The following CDIN1 variants were observed in gnomAD, a reference collection of about 807,000 sequenced individuals.
CDIN1 encodes the protein CDAN1-interacting nuclease 1.
Under a neutral mutation model 45.3 loss-of-function variants are expected in CDIN1, and 33 were observed. The ratio of observed to expected loss-of-function variants is 0.73; its 90% CI spans 0.55 to 0.97. The LOEUF (loss-of-function observed/expected upper bound fraction) is 0.97. Among genes scored for constraint, CDIN1 ranks in the 50% least tolerant of loss-of-function variants. The probability of loss-of-function intolerance (pLI) is 0.00; values close to 1 mark genes in which losing one functional copy is unlikely to be tolerated. For synonymous variants in CDIN1, 118 were observed against 124.4 expected, an observed-to-expected ratio of 0.95 and a Z score of 0.34; for missense variants, 303 against 339.4, an observed-to-expected ratio of 0.89 and a Z score of 0.84.
At chr15:36,596,189 AT>A (rs11342046) in intron 1 of CDIN1, among the ~76,000 whole-genome samples, 109,150 of 149,756 alleles carry the variant, frequency 0.73, 39,941 homozygotes, top group African/African-American at 0.78. Context: ...AAAAAAGCTC[AT>A]TTTTTTTTTT....
chr15:36,789,847 G>A (rs1005352259), intron 10 of CDIN1, among the ~76,000 whole-genome samples: 40 of 152,338 alleles, frequency 2.6e-4, no homozygotes, highest in African/African-American at 9.6e-4. Context: ...CATGGGGCTA[G>A]TGAGGCCTAC....
intron 10 of CDIN1, chr15:36,756,141 A>C (rs2053603814): frequency 2.2e-6 from 1 of 456,028 alleles, no homozygotes; most frequent in Middle Eastern, 3.3e-4. Flanking sequence ...TTTAAGGTAC[A>C]GTTTTAAAAA....
intron 5 of CDIN1, chr15:36,668,182 A>G (rs557876171): frequency 6.6e-6 from 1 of 152,204 alleles, no homozygotes; most frequent in East Asian, 1.9e-4. Context: ...GTCTTGGTTC[A>G]TTGCCTAGAT....
chr15:36,601,969 T>A (rs1039649860), intron 1 of CDIN1, among the ~76,000 whole-genome samples: 1 of 152,070 alleles, frequency 6.6e-6, no homozygotes, highest in African/African-American at 2.4e-5. Context: ...AGCTCTCAAT[T>A]TTTTTTTGTA....
At chr15:36,690,014 G>T (rs2042186226) in intron 5 of CDIN1, among the ~76,000 whole-genome samples, 1 of 152,208 alleles carries the variant, frequency 6.6e-6, no homozygotes. Context: ...TGCAGAGCCA[G>T]TTGTAGAGAT....
chr15:36,766,501 G>A (rs2053928480), intron 10 of CDIN1, among the ~76,000 whole-genome samples: 1 of 152,168 alleles, frequency 6.6e-6, no homozygotes, highest in African/African-American at 2.4e-5. Context: ...CATAGTGGAT[G>A]TACCATTTTA....
intron 1 of CDIN1, among the ~76,000 whole-genome samples, chr15:36,619,482 T>TCTAG: frequency 6.6e-6 from 1 of 150,660 alleles, no homozygotes; most frequent in Non-Finnish European, 1.5e-5. Flanking sequence ...TATCTATCTA[T>TCTAG]CTATCTATCT....
At chr15:36,617,668 C>G (rs942497743) in intron 1 of CDIN1, 2 of 767,274 alleles carry the variant, frequency 2.6e-6, no homozygotes, top group Middle Eastern at 2.6e-4. Flanking sequence ...AAAAGTGAGC[C>G]AAGTCATAAG....
intron 1 of CDIN1, among the ~76,000 whole-genome samples, chr15:36,643,054 G>A (rs920034538): frequency 2.0e-5 from 3 of 152,046 alleles, no homozygotes; most frequent in Non-Finnish European, 2.9e-5. Context: ...CTCTTTCAAA[G>A]GGGCTTTTCA....
intron 10 of CDIN1, among the ~76,000 whole-genome samples, chr15:36,789,639 G>A (rs1413529873): frequency 1.3e-5 from 2 of 152,136 alleles, no homozygotes; most frequent in Non-Finnish European, 2.9e-5. Flanking sequence ...CTAGAAGAGA[G>A]GCTTAAGACA....
intron 5 of CDIN1, among the ~76,000 whole-genome samples, chr15:36,673,653 T>G (rs1393792032): frequency 1.3e-5 from 2 of 152,044 alleles, no homozygotes; most frequent in African/African-American, 2.4e-5. Context: ...ATCGTATAAA[T>G]TGTCAAAACT....
At chr15:36,800,909 G>GTGTGTGTATATATATA (rs1156514805) in intron 10 of CDIN1, among the ~76,000 whole-genome samples, 11 of 22,384 alleles carry the variant, frequency 4.9e-4, no homozygotes, top group South Asian at 4.3e-3. Context: ...GTGTGTGTGT[G>GTGTGTGTATATATATA]TATATATATA....
chr15:36,739,508 C>T (rs960683704), intron 10 of CDIN1, among the ~76,000 whole-genome samples: 4 of 152,182 alleles, frequency 2.6e-5, no homozygotes, highest in African/African-American at 9.7e-5. Flanking sequence ...AAGCCCACTG[C>T]AATTTCTGAG....
intron 8 of CDIN1, among the ~76,000 whole-genome samples, chr15:36,700,106 C>T (rs2042579692): frequency 6.6e-6 from 1 of 152,132 alleles, no homozygotes; most frequent in Non-Finnish European, 1.5e-5. Flanking sequence ...GGGAGACAAG[C>T]TACCAATGAA....
rs566335893 is a variant in CDIN1 at position 36,601,665 on chromosome 15, T to A, written c.101+21704T>A. On this transcript the variant is annotated intron_variant, in intron 1 of 10. Transcript: ENST00000566621. ...TTTCCAAAGCAGAACATTTTTAGCT[T>A]CCTCTTCAAGCTAAGCTGCTTTATC... is the stretch of plus-strand genomic sequence containing the variant. Among the ~76,000 whole-genome samples, 3 of 152,300 alleles carry A rather than the reference T, an allele frequency of 2.0e-5. No individual in the cohort carries two copies. The East Asian group carries it at 5.8e-4, about 29-fold the overall frequency.
intron 10 of CDIN1, among the ~76,000 whole-genome samples, chr15:36,754,968 T>C (rs2140981394): frequency 6.6e-6 from 1 of 152,302 alleles, no homozygotes. Context: ...AAACATTAAA[T>C]TCTTATTGTT....
chr15:36,730,266 A>T (rs546528100), intron 10 of CDIN1, among the ~76,000 whole-genome samples: 12 of 152,236 alleles, frequency 7.9e-5, no homozygotes, highest in African/African-American at 2.9e-4. Flanking sequence ...CAGCTTTCAT[A>T]TATTTGCTTT....
chr15:36,652,616 C>T (rs757950254), intron 3 of CDIN1, among the ~76,000 whole-genome samples: 1 of 152,142 alleles, frequency 6.6e-6, no homozygotes. Context: ...TTTCCTCTTG[C>T]TTCTGAACGT....
intron 1 of CDIN1, among the ~76,000 whole-genome samples, chr15:36,585,691 TTTA>T (rs1325762873): frequency 1.3e-5 from 2 of 152,088 alleles, no homozygotes; most frequent in African/African-American, 2.4e-5. Context: ...TAATGTTACT[TTTA>T]TTATTATTAT....
Sources: allele counts gnomAD v4.1 joint callset (sites outside exome capture counted in the v4.1 genomes callset), GRCh38; gene constraint gnomAD v4.1.1; transcripts MANE v1.5; gene names NCBI Gene and HGNC (gene_info 2026-07-23, HGNC 2026-07-21).